MTCL1: variants seen among roughly 807,000 people sequenced by gnomAD.
The protein encoded by MTCL1 is microtubule crosslinking factor 1, also known as microtubule cross-linking factor 1.
In MTCL1, 79 loss-of-function variants were observed where a neutral mutation model predicts 141.4. That is an observed-to-expected ratio of 0.56 (90% CI 0.47 to 0.67). The LOEUF is 0.67. Ranked by LOEUF, MTCL1 falls within the 30% of genes least tolerant of loss-of-function variation. The pLI, the probability that MTCL1 is intolerant of heterozygous loss-of-function variation, is 0.00. For missense variants in MTCL1, 2,177 were observed against 2,113.9 expected (o/e 1.03, Z -0.59); for synonymous variants, 914 against 875.8 (o/e 1.04, Z -0.77).
Position 8,810,461 on chromosome 18 carries a change from C to T in MTCL1, c.2605-2518C>T, listed in dbSNP as rs2076446383. 6.6e-6 allele frequency among the ~76,000 whole-genome samples: 1 copy of T among 152,094 alleles called. No individual in the cohort carries two copies. The highest frequency in any genetic ancestry group is 2.4e-5 in the African/African-American group (1 of 41,418). On this transcript the variant is annotated intron_variant, in intron 11 of 16. Coordinates refer to ENST00000359865, the Ensembl canonical transcript of MTCL1. The surrounding 1 kb of genome is among the most constrained non-coding windows in gnomAD (Gnocchi z 5.0). ...GTGTGGACACAGAGGAGCTTGTGGG[C>T]AGAAGGAGTGTCCCTTCACTGTCTT...
chr18:8,811,818 A>T (rs943354280), intron 11 of MTCL1, among the ~76,000 whole-genome samples: 3 of 152,228 alleles, frequency 2.0e-5, no homozygotes, highest in Non-Finnish European at 1.5e-5. Flanking sequence ...TCCTTTGAAA[A>T]GTATACAATT....
At chr18:8,736,782 C>G (rs185211470) in intron 4 of MTCL1, among the ~76,000 whole-genome samples, 1 of 151,854 alleles carries the variant, frequency 6.6e-6, no homozygotes, top group Non-Finnish European at 1.5e-5. Context: ...GGACTACAGG[C>G]GCCCACCACC....
intron 4 of MTCL1, among the ~76,000 whole-genome samples, chr18:8,748,980 T>C (rs371195746): frequency 6.6e-6 from 1 of 152,234 alleles, no homozygotes; most frequent in East Asian, 1.9e-4. Flanking sequence ...CTGTTCACTC[T>C]GCTAGCACAT....
chr18:8,735,955 G>A (rs2096272866), intron 4 of MTCL1, among the ~76,000 whole-genome samples: 1 of 152,074 alleles, frequency 6.6e-6, no homozygotes, highest in Admixed American at 6.5e-5. Context: ...AAAAGAAATG[G>A]GGAAATTCAG....
intron 11 of MTCL1, among the ~76,000 whole-genome samples, chr18:8,812,622 T>C (rs2076525744): frequency 6.6e-6 from 1 of 152,222 alleles, no homozygotes; most frequent in Admixed American, 6.5e-5. Context: ...TATTAGGTTC[T>C]GTCACTGTCC....
intron 4 of MTCL1, among the ~76,000 whole-genome samples, chr18:8,738,772 C>T (rs1448045901): frequency 6.6e-6 from 1 of 152,170 alleles, no homozygotes; most frequent in African/African-American, 2.4e-5. Flanking sequence ...GGCTAACTTC[C>T]ACTCTGCAGC....
rs571752403 is a variant in MTCL1 at position 8,712,295 on chromosome 18, G to A, written c.1053+5582G>A. Among the ~76,000 whole-genome samples, 4 of 152,404 alleles carry A rather than the reference G, an allele frequency of 2.6e-5. No individual in the cohort carries two copies. In the South Asian group the frequency reaches 8.3e-4, roughly 32 times the overall value. On this transcript the variant is annotated intron_variant, in intron 1 of 13. Coordinates refer to the MTCL1 transcript ENST00000306329. ...AATGATTTCCTAAGGGAGAGGTTGA[G>A]TTTTGGTTTTATAGGTTGCAGTGTC...
intron 4 of MTCL1, among the ~76,000 whole-genome samples, chr18:8,774,351 A>G (rs940025780): frequency 6.6e-6 from 1 of 152,114 alleles, no homozygotes; most frequent in Non-Finnish European, 1.5e-5. Flanking sequence ...CGTCTTTATT[A>G]CAAGGTCTTC....
rs2096056824 is a variant in MTCL1, at chr18:8,705,788, C to T, written c.128C>T (p.Ser43Leu). 2 of 1,196,330 alleles carry T rather than the reference C, an allele frequency of 1.7e-6. No individual in the cohort carries two copies. Among genetic ancestry groups the T allele is most frequent in the African/African-American group, 1.6e-5 (1 of 62,910 alleles). 74.1% of individuals were successfully genotyped at this position (1,196,330 alleles called of 1,614,324 possible). The change falls in exon 1 of 14, where the codon TCG becomes TTG. Residue 43 changes from serine to leucine, a missense_variant. Ser to Leu is a moderately radical substitution (Grantham distance 145). Transcript: ENST00000306329. This position sits in a 1 kb window ranked among gnomAD's most constrained non-coding sequence, Gnocchi z 5.2. The stretch of plus-strand genomic sequence containing the variant: ...AGGCGGCGGCTGCACCGTGCGCCCT[C>T]GCCCGCCAGACCCTTCCTCAAGGAC...
chr18:8,743,914 G>A (rs1300983253), intron 4 of MTCL1, among the ~76,000 whole-genome samples: 1 of 152,236 alleles, frequency 6.6e-6, no homozygotes, highest in Non-Finnish European at 1.5e-5. Context: ...AAACTTCAGA[G>A]CTGGTGAGGT....
At chr18:8,746,725 G>T (rs984885067) in intron 4 of MTCL1, among the ~76,000 whole-genome samples, 1 of 152,182 alleles carries the variant, frequency 6.6e-6, no homozygotes, top group Non-Finnish European at 1.5e-5. Context: ...GAGAGAGGGG[G>T]TCTCCACAAT....
chr18:8,710,888 C>CTTTTTTTTTTTTTTTTTTTTTTTTTTTT (rs71356255), intron 1 of MTCL1, among the ~76,000 whole-genome samples: 2 of 80,934 alleles, frequency 2.5e-5, no homozygotes, highest in Non-Finnish European at 4.4e-5. Flanking sequence ...TTTTTTTTTA[C>CTTTTTTTTTTTTTTTTTTTTTTTTTTTT]TTTTTTTTTT....
chr18:8,764,630 C>T (rs2096450749), intron 4 of MTCL1, among the ~76,000 whole-genome samples: 1 of 152,114 alleles, frequency 6.6e-6, no homozygotes, highest in African/African-American at 2.4e-5. Context: ...TGCCCCCGCC[C>T]CCCACTTTTA....
chr18:8,821,766 G>C (rs1357873429), intron 14 of MTCL1, among the ~76,000 whole-genome samples: 2 of 152,170 alleles, frequency 1.3e-5, no homozygotes, highest in Non-Finnish European at 2.9e-5. Context: ...ACAAAGGAAT[G>C]CTTGTGTTGA....
At chr18:8,793,799 G>A (rs764816249) in intron 8 of MTCL1, among the ~76,000 whole-genome samples, 7 of 152,196 alleles carry the variant, frequency 4.6e-5, no homozygotes, top group Admixed American at 1.3e-4. Flanking sequence ...TCTTTAAAAC[G>A]AAACAAAGCA....
At chr18:8,720,056 G>A (rs1284970046) in intron 3 of MTCL1, 1 of 312,328 alleles carries the variant, frequency 3.2e-6, no homozygotes. Context: ...AAATTTAGCA[G>A]TTTGGGGGGG....
intron 3 of MTCL1, 39 bp from the exon 3 acceptor site, chr18:8,720,298 AG>A (rs760464171): frequency 6.2e-6 from 10 of 1,607,278 alleles, no homozygotes; most frequent in Non-Finnish European, 8.5e-6. Context: ...GCACACAAAA[AG>A]CCTCATATCC....
intron 10 of MTCL1, chr18:8,802,444 G>A (rs2144022904): frequency 6.6e-6 from 1 of 152,326 alleles, no homozygotes; most frequent in East Asian, 1.9e-4. Flanking sequence ...CTTTTGTGGA[G>A]CTGTGATTTC....
chr18:8,800,912 T>TAAAAAAA (rs34820527), intron 10 of MTCL1: 7 of 145,820 alleles, frequency 4.8e-5, no homozygotes, highest in Non-Finnish European at 3.0e-5. Flanking sequence ...AACAACTAAG[T>TAAAAAAA]AAAAAAAAAA....
Sources: allele counts gnomAD v4.1 joint callset (sites outside exome capture counted in the v4.1 genomes callset), GRCh38; gene constraint gnomAD v4.1.1; non-coding constraint Gnocchi (gnomAD v3.1); transcripts MANE v1.5; gene names NCBI Gene and HGNC (gene_info 2026-07-23, HGNC 2026-07-21).